Variants in MSH3 observed in about 807,000 individuals in gnomAD.
MSH3 encodes the protein DNA mismatch repair protein Msh3.
MSH3 carries 106 observed loss-of-function variants against 123.3 expected under a neutral mutation model. The observed-to-expected ratio is 0.86, with a 90% CI of 0.73 to 1.01. The LOEUF (loss-of-function observed/expected upper bound fraction) is 1.01. Ranked by LOEUF, MSH3 falls within the 50% of genes least tolerant of loss-of-function variation. The pLI is 0.00. For synonymous variants in MSH3, 515 were observed against 481.4 expected, an observed-to-expected ratio of 1.07 and a Z score of -0.91; for missense variants, 1,459 against 1,347.6, an observed-to-expected ratio of 1.08 and a Z score of -1.29.
At position 80,719,535 on chromosome 5, in the gene MSH3, T is replaced by C. The variant is rs141002629; in HGVS notation, c.1341-5918T>C. On this transcript the variant is annotated intron_variant, in intron 8 of 23. Coordinates refer to ENST00000265081, the MANE Select transcript of MSH3 (RefSeq NM_002439.5). ...ACCATGTCGACAATCCTGGTTCTTA[T>C]GTAAGTACTCTGATTTTATCATTCA... Among the ~76,000 whole-genome samples, 594 of 152,380 alleles carry C rather than the reference T, an allele frequency of 3.9e-3. 5 individuals are homozygous for C. Among genetic ancestry groups the C allele is most frequent in the African/African-American group, 0.013 (549 of 41,588 alleles).
chr5:80,692,674 G>A (rs1750330885), intron 8 of MSH3, among the ~76,000 whole-genome samples: 1 of 138,958 alleles, frequency 7.2e-6, no homozygotes, highest in South Asian at 2.3e-4. Context: ...ACATGTATAT[G>A]TTTATGTTTA....
Position 80,855,269 on chromosome 5 carries a change from C to T in MSH3, c.3000+953C>T, listed in dbSNP as rs571032920. Among the ~76,000 whole-genome samples, 6 of 152,098 alleles carry T rather than the reference C, an allele frequency of 3.9e-5. No individual in the cohort carries two copies. The East Asian group carries it at 1.2e-3, about 29-fold the overall frequency. ...CTGTTTTCCCCCCCATTTTCTTGCT[C>T]CTTTGTCATTGTGTCTTCCCTCATT... is the stretch of plus-strand genomic sequence containing the variant. On this transcript the variant is annotated intron_variant, in intron 21 of 23. Transcript: ENST00000265081.
intron 8 of MSH3, among the ~76,000 whole-genome samples, chr5:80,701,107 G>T (rs1267608180): frequency 6.6e-6 from 1 of 152,106 alleles, no homozygotes; most frequent in Non-Finnish European, 1.5e-5. Flanking sequence ...GCTTTTAAAT[G>T]ATTTATTATT....
intron 18 of MSH3, among the ~76,000 whole-genome samples, chr5:80,792,337 C>G (rs1744621513): frequency 6.6e-6 from 1 of 151,498 alleles, no homozygotes; most frequent in African/African-American, 2.4e-5. Context: ...GAGCTTGAGG[C>G]TGTAGTGTGC....
At chr5:80,722,060 T>G (rs1179820560) in intron 8 of MSH3, among the ~76,000 whole-genome samples, 1 of 152,218 alleles carries the variant, frequency 6.6e-6, no homozygotes, top group Non-Finnish European at 1.5e-5. Flanking sequence ...AAACTATAGA[T>G]TTTCTGTCAT....
intron 3 of MSH3, among the ~76,000 whole-genome samples, chr5:80,669,502 G>T (rs1580549733): frequency 1.3e-5 from 2 of 152,218 alleles, no homozygotes; most frequent in Admixed American, 1.3e-4. Context: ...GGTAAGAATA[G>T]TAGGAGTACT....
In MSH3 at chr5:80,873,151, C is replaced by T. The variant is rs188074706; in HGVS notation, c.3166C>T (p.Leu1056Phe). 3.2e-5 allele frequency: 52 copies of T among 1,613,848 alleles called. No individual in the cohort carries two copies. The Admixed American group carries it at 4.5e-4, about 14-fold the overall frequency. The stretch of plus-strand genomic sequence containing the variant: ...ACAAGTCCCTGATTTTGTCACCTTC[C>T]TTTACCAAATAACTAGAGGAATTGC... ...AEQVPDFVTFLYQITRGIAAR... is the reference protein window; with the variant it reads ...AEQVPDFVTFFYQITRGIAAR... Residue 1056 changes from leucine to phenylalanine, a missense_variant, in exon 23 of 24, where the codon CTT becomes TTT. Leu to Phe is a conservative substitution (Grantham distance 22). Transcript: ENST00000265081.
chr5:80,837,394 T>C (rs1000122054), intron 20 of MSH3, among the ~76,000 whole-genome samples: 1 of 151,902 alleles, frequency 6.6e-6, no homozygotes, highest in Non-Finnish European at 1.5e-5. Flanking sequence ...GCCTAGGCAA[T>C]GTGGCAAAAC....
Position 80,741,492 on chromosome 5 carries a change from G to T in MSH3, c.1597G>T (p.Glu533Ter), listed in dbSNP as rs1321121530. ...TTTTAAACAGCTATCAAGTAAAATG[G>T]AATTTATGACAATTAATGGAACAAC... ...ENFKQLSSKM[E>*]FMTINGTTLR... The change falls in exon 11 of 24, where the codon GAA becomes TAA. Residue 533 changes from glutamate to a stop codon, truncating the protein, a stop_gained. Coordinates refer to ENST00000265081, the MANE Select transcript of MSH3 (RefSeq NM_002439.5). LOFTEE classifies it high-confidence loss of function. 1 of 1,606,238 alleles carries T rather than the reference G, an allele frequency of 6.2e-7. No individual in the cohort carries two copies. Among genetic ancestry groups the T allele is most frequent in the Non-Finnish European group, 8.5e-7 (1 of 1,172,986 alleles).
intron 21 of MSH3, among the ~76,000 whole-genome samples, chr5:80,861,084 T>C (rs1746006356): frequency 2.0e-5 from 3 of 152,226 alleles, no homozygotes; most frequent in Non-Finnish European, 4.4e-5. Flanking sequence ...GTGTTAACCA[T>C]AGAGCCCTTA....
Position 80,784,235 on chromosome 5 carries a change from AAAAAG to A in MSH3, c.2436-3329_2436-3325del, listed in dbSNP as rs1292604720. Among the ~76,000 whole-genome samples the A allele has an allele frequency of 2.9e-3, 373 of 129,546 alleles. 70 individuals are homozygous for A. The highest frequency in any genetic ancestry group is 0.01 in the African/African-American group (263 of 26,208). The allele number at this position is 129,546 out of a possible 152,430, so 85.0% of individuals were successfully genotyped here. A position where few individuals can be genotyped will look rare whatever the true frequency, so the allele number is the denominator to read the frequency against. ...CGCAAAAAAAAAAAAAAAAAAAAAA[AAAAAG>A]GGAAATAAATAAATAAATAAATAAA... On this transcript the variant is annotated intron_variant, in intron 17 of 23. Coordinates refer to ENST00000265081, the MANE Select transcript of MSH3 (RefSeq NM_002439.5).
chr5:80,782,879 T>C (rs1334556009), intron 17 of MSH3, among the ~76,000 whole-genome samples: 1 of 152,180 alleles, frequency 6.6e-6, no homozygotes, highest in Non-Finnish European at 1.5e-5. Context: ...AGGTACTAAC[T>C]GTTGTGCATT....
chr5:80,809,864 T>A lies in MSH3; in HGVS notation c.2656-3720T>A, dbSNP rs573363195. ...GTGTTTGTAAGGAGTTATTGAATTG[T>A]TTGTGATGGTGATCCATGAAATAAC... is the stretch of plus-strand genomic sequence containing the variant. On this transcript the variant is annotated intron_variant, in intron 19 of 23. Coordinates refer to ENST00000265081, the MANE Select transcript of MSH3 (RefSeq NM_002439.5). Among the ~76,000 whole-genome samples the A allele has an allele frequency of 7.9e-5, 12 of 152,300 alleles. No homozygotes were observed. The South Asian group carries it at 1.9e-3, about 24-fold the overall frequency.
intron 20 of MSH3, among the ~76,000 whole-genome samples, chr5:80,847,358 ATT>A (rs752946570): frequency 1.4e-5 from 2 of 141,294 alleles, no homozygotes; most frequent in Admixed American, 7.0e-5. Flanking sequence ...CTGGCTGAAT[ATT>A]TTTTTTTTTT....
intron 2 of MSH3, among the ~76,000 whole-genome samples, chr5:80,657,639 T>C (rs1749321545): frequency 1.4e-5 from 2 of 143,320 alleles, no homozygotes; most frequent in Non-Finnish European, 3.1e-5. Context: ...GGAAATTAGG[T>C]AAAGAGAATG....
chr5:80,753,241 C>T (rs1195354624), intron 12 of MSH3, among the ~76,000 whole-genome samples: 2 of 152,126 alleles, frequency 1.3e-5, no homozygotes, highest in Non-Finnish European at 2.9e-5. Flanking sequence ...AGACAGAAGA[C>T]AGCCATCAGA....
intron 20 of MSH3, among the ~76,000 whole-genome samples, chr5:80,827,852 T>C (rs888122329): frequency 6.6e-6 from 1 of 152,214 alleles, no homozygotes. Flanking sequence ...GATACTGTTG[T>C]AGTAGGTATG....
At chr5:80,796,093 A>G (rs1191830215) in intron 19 of MSH3, among the ~76,000 whole-genome samples, 1 of 152,164 alleles carries the variant, frequency 6.6e-6, no homozygotes, top group African/African-American at 2.4e-5. Flanking sequence ...AATATAAACT[A>G]AGCAACTAAA....
rs35114351 is a variant in MSH3 at position 80,824,685 on chromosome 5, T to C, written c.2813+10944T>C. Among the ~76,000 whole-genome samples, 12 of 152,332 alleles carry C rather than the reference T, an allele frequency of 7.9e-5. No individual in the cohort carries two copies. In the South Asian group the frequency reaches 1.9e-3, roughly 24 times the overall value. ...CCATTCTCCCCAGGTCTACCATGTT[T>C]CTTTAGGTAACATTTCACAAGTCTA... On this transcript the variant is annotated intron_variant, in intron 20 of 23. Coordinates refer to ENST00000265081, the MANE Select transcript of MSH3 (RefSeq NM_002439.5).
Sources: allele counts gnomAD v4.1 joint callset (sites outside exome capture counted in the v4.1 genomes callset), GRCh38; gene constraint gnomAD v4.1.1; transcripts MANE v1.5; gene names NCBI Gene and HGNC (gene_info 2026-07-23, HGNC 2026-07-21).